ERBIN: variants seen among roughly 807,000 people sequenced by gnomAD.
ERBIN encodes the protein erbb2 interacting protein.
ERBIN carries 60 observed loss-of-function variants against 158.4 expected under a neutral mutation model. The observed-to-expected ratio is 0.38, with a 90% CI of 0.31 to 0.47. The LOEUF (loss-of-function observed/expected upper bound fraction) is 0.47. ERBIN is among the 20% of genes least tolerant of loss of function. The pLI is 0.99. For synonymous variants in ERBIN, 594 were observed against 557.2 expected, an observed-to-expected ratio of 1.07 and a Z score of -0.93; for missense variants, 1,610 against 1,648.0, an observed-to-expected ratio of 0.98 and a Z score of 0.40.
At chr5:66,077,852 AC>A (rs1490860362) in intron 25 of ERBIN, among the ~76,000 whole-genome samples, 1 of 151,604 alleles carries the variant, frequency 6.6e-6, no homozygotes, top group Non-Finnish European at 1.5e-5. Context: ...ATTTTTCTGA[AC>A]CATTTGGGTT....
intron 1 of ERBIN, chr5:65,961,098 C>G (rs1282876217): frequency 2.6e-5 from 4 of 152,148 alleles, no homozygotes; most frequent in Non-Finnish European, 5.9e-5. Context: ...TTAAAACATT[C>G]CAATTTTAGG....
chr5:65,977,239 C>T (rs1270252803), intron 1 of ERBIN, among the ~76,000 whole-genome samples: 3 of 143,072 alleles, frequency 2.1e-5, no homozygotes, highest in Non-Finnish European at 3.0e-5. Flanking sequence ...GCTGGCCGGG[C>T]GGGGGGCTGA....
Position 66,081,013 on chromosome 5 carries a change from T to C in ERBIN, c.*2483T>C, listed in dbSNP as rs1394388177. The stretch of plus-strand genomic sequence containing the variant: ...TCAAAATTTGAATAAAATAATTAAA[T>C]TTTTTGAGGAAGTGGAGAAGACATT... On this transcript the variant is annotated 3_prime_UTR_variant, in exon 26 of 26. Transcript: ENST00000284037. 2.0e-5 allele frequency: 3 copies of C among 151,980 alleles called. No homozygotes were observed. Among genetic ancestry groups the C allele is most frequent in the African/African-American group, 7.2e-5 (3 of 41,428 alleles). 9.4% of individuals were successfully genotyped at this position (151,980 alleles called of 1,614,324 possible).
In ERBIN at chr5:66,054,771, A is replaced by C; in HGVS notation, c.3453A>C (p.Glu1151Asp). The C allele has an allele frequency of 6.2e-7, 1 of 1,614,148 alleles. No homozygotes were observed. Among genetic ancestry groups the C allele is most frequent in the Non-Finnish European group, 8.5e-7 (1 of 1,180,002 alleles). The change falls in exon 21 of 26, where the codon GAA becomes GAC. Residue 1151 changes from glutamate to aspartate, a missense_variant. Transcript: ENST00000284037. ...AGAGTGCTCGACCCTCTATTAATGA[A>C]ATACCAGAGAGAACTATGTCAGTTA... ...RPQSARPSINEIPERTMSVSD... is the reference protein window; with the variant it reads ...RPQSARPSINDIPERTMSVSD...
chr5:66,021,719 A>G (rs1451236495), intron 8 of ERBIN, among the ~76,000 whole-genome samples: 1 of 152,158 alleles, frequency 6.6e-6, no homozygotes, highest in African/African-American at 2.4e-5. Flanking sequence ...GTTCTGAATC[A>G]GAGAGAGCTC....
chr5:65,965,382 G>GTTTTTTT lies in ERBIN; in HGVS notation c.-57-23218_-57-23212dup, dbSNP rs200847060. 7.0e-4 allele frequency among the ~76,000 whole-genome samples: 67 copies of GTTTTTTT among 96,042 alleles called. 5 individuals are homozygous for GTTTTTTT. Among genetic ancestry groups the GTTTTTTT allele is most frequent in the Non-Finnish European group, 8.6e-4 (42 of 48,700 alleles). 63.0% of individuals were successfully genotyped at this position (96,042 alleles called of 152,430 possible). On this transcript the variant is annotated intron_variant, in intron 1 of 25. Coordinates refer to ENST00000284037, the MANE Select transcript of ERBIN (RefSeq NM_001253697.2). ...GTTCTTACCAGATTTGTTTTTTGTTGTTTTTTTTTTTTTTTTTTTTTTTTT... is the reference window on the plus strand; with the variant it reads ...GTTCTTACCAGATTTGTTTTTTGTTGTTTTTTTTTTTTTTTTTTTTTTTTTTTTTTTT...
At chr5:65,958,220 C>T (rs1384598796) in intron 1 of ERBIN, among the ~76,000 whole-genome samples, 34 of 150,708 alleles carry the variant, frequency 2.3e-4, no homozygotes, top group African/African-American at 3.4e-4. Flanking sequence ...GATGGGGTGG[C>T]GGCCGGGCAG....
chr5:66,048,993 T>C (rs1217462321), intron 19 of ERBIN, among the ~76,000 whole-genome samples: 2 of 152,056 alleles, frequency 1.3e-5, no homozygotes, highest in Non-Finnish European at 1.5e-5. Flanking sequence ...AATTTACTTA[T>C]AAAGGCATGG....
Position 65,992,995 on chromosome 5 carries a change from A to G in ERBIN, c.189+88A>G, listed in dbSNP as rs1027298772. 7.4e-6 allele frequency: 8 copies of G among 1,077,238 alleles called. No homozygotes were observed. The South Asian group carries it at 1.0e-4, about 14-fold the overall frequency. 66.7% of individuals were successfully genotyped at this position (1,077,238 alleles called of 1,614,324 possible). ...TCCTAATATTGCTATAAAGTTGCCA[A>G]TATATTTGTGTGGTTGAATTTTTTG... On this transcript the variant is annotated intron_variant, in intron 3 of 25. Coordinates refer to ENST00000284037, the MANE Select transcript of ERBIN (RefSeq NM_001253697.2).
intron 1 of ERBIN, among the ~76,000 whole-genome samples, chr5:65,940,753 C>G (rs1166174961): frequency 2.0e-5 from 3 of 151,328 alleles, no homozygotes; most frequent in African/African-American, 7.3e-5. Context: ...GCGCCTCTGC[C>G]CGGCCGCCCC....
intron 19 of ERBIN, 73 bp from the exon 20 acceptor site, chr5:66,050,710 T>G (rs1484946020): frequency 1.1e-5 from 11 of 962,498 alleles, no homozygotes; most frequent in Non-Finnish European, 1.5e-5. Flanking sequence ...TAATTGCCAT[T>G]TGTCATCACT....
At chr5:65,963,270 A>G (rs1438703108) in intron 1 of ERBIN, among the ~76,000 whole-genome samples, 2 of 152,218 alleles carry the variant, frequency 1.3e-5, no homozygotes, top group Non-Finnish European at 2.9e-5. Context: ...ATTATTTGGA[A>G]ACTATTAACT....
chr5:65,966,468 G>A (rs115127632), intron 1 of ERBIN, among the ~76,000 whole-genome samples: 1 of 152,040 alleles, frequency 6.6e-6, no homozygotes, highest in Middle Eastern at 3.2e-3. Context: ...ATCACCTGTG[G>A]TCGGAAGATT....
intron 21 of ERBIN, among the ~76,000 whole-genome samples, chr5:66,062,539 A>G (rs973503923): frequency 2.6e-5 from 4 of 151,558 alleles, no homozygotes; most frequent in Non-Finnish European, 4.4e-5. Flanking sequence ...TCCTCTCTCA[A>G]CTCATCAAAG....
At chr5:66,048,058 G>T (rs77453144) in intron 18 of ERBIN, among the ~76,000 whole-genome samples, 2 of 151,934 alleles carry the variant, frequency 1.3e-5, no homozygotes, top group African/African-American at 4.8e-5. Flanking sequence ...ATTTTAATTC[G>T]CAGATACAGG....
At chr5:65,938,166 T>G (rs1744322020) in intron 1 of ERBIN, among the ~76,000 whole-genome samples, 1 of 152,228 alleles carries the variant, frequency 6.6e-6, no homozygotes, top group African/African-American at 2.4e-5. Flanking sequence ...CTAAAAACAT[T>G]TTGGAGGGAG....
chr5:66,065,590 CCTGTGTGTGTGTGTG>C (rs1459567420), intron 21 of ERBIN, among the ~76,000 whole-genome samples: 66 of 109,484 alleles, frequency 6.0e-4, no homozygotes, highest in African/African-American at 1.9e-3. Context: ...TTAATTTTGA[CCTGTGTGTGTGTGTG>C]TGTGTGTGTG....
intron 1 of ERBIN, among the ~76,000 whole-genome samples, chr5:65,974,893 T>G (rs890437687): frequency 1.3e-5 from 2 of 152,118 alleles, no homozygotes; most frequent in African/African-American, 4.8e-5. Flanking sequence ...GGAAGAAAAC[T>G]AGGAGGATGT....
chr5:66,075,112 C>CA lies in ERBIN; in HGVS notation c.3847dup (p.Arg1283LysfsTer5). The stretch of plus-strand genomic sequence containing the variant: ...CATCACCCCCCTCAGGCATCTGTGG[C>CA]AAGGCATCCCTCTAGAGAACAACTA... On this transcript the variant is annotated frameshift_variant, in exon 23 of 26. Transcript: ENST00000284037. LOFTEE classifies it high-confidence loss of function. 1 of 1,614,148 alleles carries CA rather than the reference C, an allele frequency of 6.2e-7. No homozygotes were observed. The highest frequency in any genetic ancestry group is 2.2e-5 in the East Asian group (1 of 44,876).
Sources: gnomAD v4.1 joint callset for allele counts (sites outside exome capture counted in the v4.1 genomes callset) on GRCh38, gnomAD v4.1.1 for gene constraint, MANE v1.5 for transcripts, NCBI Gene and HGNC (gene_info 2026-07-23, HGNC 2026-07-21) for gene names.